Variants in FBXO34 observed in about 807,000 individuals in gnomAD.
FBXO34 encodes the protein F-box only protein 34.
In FBXO34, 12 loss-of-function variants were observed where a neutral mutation model predicts 24.5. The ratio of observed to expected loss-of-function variants is 0.49; its 90% confidence interval spans 0.31 to 0.79. The LOEUF (loss-of-function observed/expected upper bound fraction) is 0.79, where lower values mean the gene tolerates loss of function less well. FBXO34 is among the 30% of genes least tolerant of loss of function. The pLI is 0.04. For missense variants in FBXO34, 823 were observed against 857.7 expected (o/e 0.96, Z 0.51); for synonymous variants, 320 against 311.9 (o/e 1.03, Z -0.27).
intron 1 of FBXO34, among the ~76,000 whole-genome samples, chr14:55,303,887 A>G (rs1434699175): frequency 1.3e-5 from 2 of 152,164 alleles, no homozygotes; most frequent in African/African-American, 2.4e-5. Flanking sequence ...TAGAGAGTCA[A>G]TTTCAGTTCC....
the FBXO34 span, among the ~76,000 whole-genome samples, chr14:55,413,195 A>G: frequency 1.7e-4 from 26 of 152,222 alleles, 1 homozygote; most frequent in Non-Finnish European, 3.4e-4. Flanking sequence ...TTCAAACAAA[A>G]GGATTATTTT....
At chr14:55,313,549 A>T (rs139586643) in intron 1 of FBXO34, among the ~76,000 whole-genome samples, 2 of 152,364 alleles carry the variant, frequency 1.3e-5, no homozygotes, top group Non-Finnish European at 2.9e-5. Flanking sequence ...CTGTAAAAAA[A>T]ACTGCCTGAA....
chr14:55,364,300 T>C (rs1594772274), downstream of FBXO34, among the ~76,000 whole-genome samples: 1 of 152,114 alleles, frequency 6.6e-6, no homozygotes, highest in Non-Finnish European at 1.5e-5. Flanking sequence ...TTTAGATCCC[T>C]CCCACCACCA....
downstream of FBXO34, among the ~76,000 whole-genome samples, chr14:55,374,481 G>T (rs1884882151): frequency 6.6e-6 from 1 of 152,134 alleles, no homozygotes; most frequent in Non-Finnish European, 1.5e-5. Context: ...ACCTATCTAT[G>T]ACATGTCTTT....
At chr14:55,369,914 A>G (rs1462507222), downstream of FBXO34, 1 of 1,610,422 alleles carries the variant, frequency 6.2e-7, no homozygotes, top group African/African-American at 1.3e-5. Context: ...TCGTACTTCA[A>G]AGGGCCCTGA....
the FBXO34 span, among the ~76,000 whole-genome samples, chr14:55,400,378 T>C: frequency 6.6e-6 from 1 of 152,210 alleles, no homozygotes; most frequent in Non-Finnish European, 1.5e-5. Flanking sequence ...AAATTGCAGC[T>C]GTCACATAAA....
chr14:55,350,530 T>C lies in FBXO34; in HGVS notation c.140T>C (p.Val47Ala). The C allele has an allele frequency of 6.2e-7, 1 of 1,613,872 alleles. No homozygotes were observed. Among genetic ancestry groups the C allele is most frequent in the African/African-American group, 1.3e-5 (1 of 74,952 alleles). ...AAAGCTAGCCACATAACATCAAGTG[T>C]CTTTCCTTCAGCCTCTCTCGGTAAA... ...TCKASHITSS[V>A]FPSASLGKAS... Residue 47 changes from valine (V) to alanine (A), a missense_variant, in exon 2 of 2, where the codon GTC (valine) becomes GCC (alanine). Physicochemically the swap from Val to Ala is moderately conservative, Grantham distance 64 (BLOSUM62 0). Transcript: ENST00000313833.
At chr14:55,379,371 T>C in the FBXO34 span, among the ~76,000 whole-genome samples, 3 of 151,192 alleles carry the variant, frequency 2.0e-5, no homozygotes, top group Non-Finnish European at 4.4e-5. Context: ...CCCTGTCTCA[T>C]ACAAAAAAAT....
chr14:55,288,045 C>T (rs566620084), intron 1 of FBXO34, among the ~76,000 whole-genome samples: 26 of 152,218 alleles, frequency 1.7e-4, no homozygotes, highest in East Asian at 7.7e-4. Flanking sequence ...TTTCGGATTT[C>T]GGATTTTTGG....
the FBXO34 span, among the ~76,000 whole-genome samples, chr14:55,425,308 G>A: frequency 1.3e-5 from 2 of 152,254 alleles, no homozygotes; most frequent in Admixed American, 6.5e-5. Context: ...ACACTAGGGG[G>A]AGCCCTGAAA....
the FBXO34 span, chr14:55,440,286 G>A: frequency 0.085 from 115,153 of 1,356,874 alleles, 5,214 homozygotes; most frequent in African/African-American, 0.14. Flanking sequence ...GGGAAACCAA[G>A]CCCGCCTCTT....
At chr14:55,273,687 G>T (rs1450867264) in intron 1 of FBXO34, among the ~76,000 whole-genome samples, 1 of 152,122 alleles carries the variant, frequency 6.6e-6, no homozygotes, top group Non-Finnish European at 1.5e-5. Flanking sequence ...AAGAATCTTG[G>T]CAAGATACTA....
the FBXO34 span, among the ~76,000 whole-genome samples, chr14:55,377,262 G>A: frequency 4.7e-3 from 718 of 152,222 alleles, 5 homozygotes; most frequent in African/African-American, 0.016. Context: ...CAGAAGAATC[G>A]CTTGAACCCA....
chr14:55,376,660 G>A, the FBXO34 span, among the ~76,000 whole-genome samples: 1 of 152,222 alleles, frequency 6.6e-6, no homozygotes, highest in Non-Finnish European at 1.5e-5. Flanking sequence ...GTTAGTGGAC[G>A]AGGCCTCCCC....
At chr14:55,312,217 A>ACAAT (rs1437611887) in intron 1 of FBXO34, among the ~76,000 whole-genome samples, 5 of 152,008 alleles carry the variant, frequency 3.3e-5, no homozygotes, top group Non-Finnish European at 7.4e-5. Context: ...AAACAAACAA[A>ACAAT]CAAAAAACCT....
intron 1 of FBXO34, among the ~76,000 whole-genome samples, chr14:55,293,803 T>G (rs985258299): frequency 1.5e-4 from 23 of 151,570 alleles, no homozygotes; most frequent in Non-Finnish European, 3.2e-4. Flanking sequence ...CAGTAAACAT[T>G]TGTTGAATGA....
intron 1 of FBXO34, among the ~76,000 whole-genome samples, chr14:55,349,602 A>ATTTTTTT (rs1555339656): frequency 3.3e-4 from 30 of 90,318 alleles, no homozygotes; most frequent in Non-Finnish European, 4.3e-4. Context: ...GGAAGCAATA[A>ATTTTTTT]TTTTCTTTTT....
chr14:55,429,045 A>T, the FBXO34 span: 3 of 1,549,642 alleles, frequency 1.9e-6, no homozygotes, highest in South Asian at 3.5e-5. Flanking sequence ...GTTGTATTGG[A>T]TTGTTACCAT....
intron 1 of FBXO34, among the ~76,000 whole-genome samples, chr14:55,321,843 A>G (rs938994219): frequency 2.2e-4 from 34 of 152,232 alleles, no homozygotes; most frequent in Non-Finnish European, 1.5e-5. Context: ...TCTGTCAAAA[A>G]TACTCATCTT....
Sources: allele counts gnomAD v4.1 joint callset (sites outside exome capture counted in the v4.1 genomes callset), GRCh38; gene constraint gnomAD v4.1.1; transcripts MANE v1.5; gene names NCBI Gene and HGNC (gene_info 2026-07-23, HGNC 2026-07-21).